Variants in TLE1 observed in about 807,000 individuals in gnomAD.
The protein encoded by TLE1 is TLE family member 1, transcriptional corepressor.
TLE1 carries 21 observed loss-of-function variants against 89.8 expected under a neutral mutation model. The observed-to-expected ratio is 0.23, with a 90% CI of 0.17 to 0.34. TLE1 has a LOEUF of 0.34. Ranked by LOEUF, TLE1 falls within the 10% of genes least tolerant of loss-of-function variation. The pLI, the probability that TLE1 is intolerant of heterozygous loss-of-function variation, is 1.00. For synonymous variants in TLE1, 447 were observed against 407.6 expected, an observed-to-expected ratio of 1.10 and a Z score of -1.16; for missense variants, 795 against 1,031.2, an observed-to-expected ratio of 0.77 and a Z score of 3.14.
At position 81,611,757 on chromosome 9, in the gene TLE1, A is replaced by G. The variant is rs1365031257; in HGVS notation, c.1254+12T>C. On this transcript the variant is annotated intron_variant, in intron 13 of 19. Transcript: ENST00000376499. The stretch of plus-strand genomic sequence containing the variant: ...TCCTACCCCAACCACAGCCCACCCG[A>G]CAGCGGCCTACCATGGGGGAGCGCC... The G allele has an allele frequency of 6.6e-7, 1 of 1,508,568 alleles. No individual in the cohort carries two copies. 93.4% of individuals were successfully genotyped at this position (1,508,568 alleles called of 1,614,324 possible).
intron 6 of TLE1, among the ~76,000 whole-genome samples, 184 bp from the exon 7 acceptor site, chr9:81,634,485 T>G (rs1827125311): frequency 6.6e-6 from 1 of 151,256 alleles, no homozygotes; most frequent in African/African-American, 2.4e-5. Flanking sequence ...GGGGAAAAAA[T>G]GCGATTAGTG....
intron 4 of TLE1, among the ~76,000 whole-genome samples, chr9:81,669,910 A>G (rs1832000063): frequency 6.6e-6 from 1 of 152,194 alleles, no homozygotes; most frequent in Admixed American, 6.5e-5. Context: ...TTAGGCCCCC[A>G]CAGTATATCA....
In TLE1 at chr9:81,620,460, T is replaced by C. The variant is rs776699132; in HGVS notation, c.692A>G (p.Asp231Gly). The C allele has an allele frequency of 4.3e-6, 7 of 1,613,882 alleles. No individual in the cohort carries two copies. The highest frequency in any genetic ancestry group is 5.9e-6 in the Non-Finnish European group (7 of 1,179,916). Residue 231 changes from aspartate to glycine, a missense_variant, in exon 9 of 20, where the codon GAT becomes GGT. Asp to Gly is a moderately conservative substitution (Grantham distance 94). This residue lies in a region of TLE1 where 468 missense variants were observed against 509.1 expected (regional missense o/e 0.92). Coordinates refer to ENST00000376499, the MANE Select transcript of TLE1 (RefSeq NM_005077.5). The stretch of plus-strand genomic sequence containing the variant: ...ACTTACATAGTGGCTGGAGTCCTTA[T>C]CATCCACCTTCCTTTTCTTGATGTC... ...SNDIKKRKVD[D>G]KDSSHYDSDG...
intron 8 of TLE1, among the ~76,000 whole-genome samples, chr9:81,623,149 A>G (rs1467897495): frequency 6.6e-6 from 1 of 152,000 alleles, no homozygotes; most frequent in Non-Finnish European, 1.5e-5. Flanking sequence ...TGATTCCCTC[A>G]TTTGTTCCCA....
At position 81,607,431 on chromosome 9, in the gene TLE1, C is replaced by T. The variant is rs148256748; in HGVS notation, c.1331+2789G>A. Among the ~76,000 whole-genome samples the T allele has an allele frequency of 1.3e-3, 191 of 152,296 alleles. 3 individuals carry two copies. In the East Asian group the frequency reaches 0.033, roughly 26 times the overall value. On this transcript the variant is annotated intron_variant, in intron 14 of 19. Transcript: ENST00000376499. ...CCTAGCATCACAGCTCACAGCTCTG[C>T]TCACCCGCCTTCCCCCACTGCATCT... is the stretch of plus-strand genomic sequence containing the variant.
At chr9:81,677,553 A>C (rs1291784409) in intron 4 of TLE1, among the ~76,000 whole-genome samples, 1 of 137,986 alleles carries the variant, frequency 7.2e-6, no homozygotes, top group African/African-American at 2.7e-5. Flanking sequence ...TAACAGAGCG[A>C]GACTCCATCT....
intron 14 of TLE1, among the ~76,000 whole-genome samples, chr9:81,604,624 G>T (rs1169332050): frequency 6.6e-6 from 1 of 152,138 alleles, no homozygotes; most frequent in Non-Finnish European, 1.5e-5. Flanking sequence ...CCTTGGACAC[G>T]CACGGTCAGA....
intron 6 of TLE1, among the ~76,000 whole-genome samples, chr9:81,640,977 C>T (rs1828036448): frequency 6.6e-6 from 1 of 152,196 alleles, no homozygotes; most frequent in Admixed American, 6.5e-5. Flanking sequence ...TCATAAAAAT[C>T]ACAGACTTAA....
intron 6 of TLE1, among the ~76,000 whole-genome samples, chr9:81,639,318 G>A (rs75459535): frequency 0.034 from 5,141 of 151,822 alleles, 118 homozygotes; most frequent in Non-Finnish European, 0.049. Context: ...CTCCTGCCTC[G>A]GCCTTCCAAA....
At chr9:81,685,936 T>C (rs763296482) in intron 2 of TLE1, 40 bp from the exon 3 acceptor site, 1 of 1,606,412 alleles carries the variant, frequency 6.2e-7, no homozygotes, top group South Asian at 1.1e-5. Flanking sequence ...AAACATTATG[T>C]CACTTGTTTT....
At chr9:81,658,100 C>T (rs1053837317) in intron 4 of TLE1, among the ~76,000 whole-genome samples, 1 of 151,460 alleles carries the variant, frequency 6.6e-6, no homozygotes, top group East Asian at 1.9e-4. Flanking sequence ...TTAGTAAAGA[C>T]GGGGTTTCAC....
intron 8 of TLE1, 103 bp downstream of exon 8, chr9:81,633,245 T>C: frequency 3.2e-6 from 5 of 1,577,962 alleles, no homozygotes; most frequent in Non-Finnish European, 4.3e-6. Flanking sequence ...AGAGTGTGCA[T>C]GTCTGTCTGT....
intron 8 of TLE1, among the ~76,000 whole-genome samples, chr9:81,624,083 T>G (rs1041533407): frequency 6.6e-6 from 1 of 152,140 alleles, no homozygotes; most frequent in Non-Finnish European, 1.5e-5. Context: ...CATGGAACAC[T>G]TGTACCCAAA....
chr9:81,639,950 G>A (rs1827902894), intron 6 of TLE1, among the ~76,000 whole-genome samples: 1 of 152,102 alleles, frequency 6.6e-6, no homozygotes, highest in Non-Finnish European at 1.5e-5. Context: ...CTCAGGCTAT[G>A]ATTCTAGACC....
intron 6 of TLE1, among the ~76,000 whole-genome samples, chr9:81,637,189 C>A (rs929112418): frequency 1.3e-5 from 2 of 151,966 alleles, no homozygotes; most frequent in African/African-American, 4.8e-5. Flanking sequence ...GAAACCCTGT[C>A]TCTACTAAAA....
Position 81,615,965 on chromosome 9 carries a change from C to CAG in TLE1, c.918+15_918+16dup. Reference sequence around the variant, plus strand: ...AATACACTGCCAAACAGGCAAGTGTCAGTTTTCTTTACCTACCAAGCTCAT... The same window carrying CAG: ...AATACACTGCCAAACAGGCAAGTGTCAGAGTTTTCTTTACCTACCAAGCTCAT... On this transcript the variant is annotated intron_variant, in intron 11 of 19. Coordinates refer to ENST00000376499, the MANE Select transcript of TLE1 (RefSeq NM_005077.5). The CAG allele has an allele frequency of 6.2e-7, 1 of 1,612,924 alleles. No individual in the cohort carries two copies. The highest frequency in any genetic ancestry group is 8.5e-7 in the Non-Finnish European group (1 of 1,179,922).
intron 4 of TLE1, among the ~76,000 whole-genome samples, chr9:81,656,809 A>G (rs1564035798): frequency 6.6e-6 from 1 of 152,222 alleles, no homozygotes; most frequent in Non-Finnish European, 1.5e-5. Flanking sequence ...GTTTCATTTA[A>G]TTTTGCACAA....
At chr9:81,654,087 G>A in intron 4 of TLE1, 51 bp from the exon 5 acceptor site, 1 of 1,586,562 alleles carries the variant, frequency 6.3e-7, no homozygotes, top group Non-Finnish European at 8.6e-7. Context: ...AATCAGTTCA[G>A]AAAGGTAAAA....
intron 8 of TLE1, among the ~76,000 whole-genome samples, chr9:81,631,318 C>T (rs1036119063): frequency 6.6e-5 from 10 of 152,196 alleles, no homozygotes; most frequent in South Asian, 4.1e-4. Context: ...CCGACACATT[C>T]GGAAATTCAG....
Sources: gnomAD v4.1 joint callset for allele counts (sites outside exome capture counted in the v4.1 genomes callset) on GRCh38, gnomAD v4.1.1 for gene constraint, gnomAD v4.1.1 regional missense constraint, MANE v1.5 for transcripts, NCBI Gene and HGNC (gene_info 2026-07-23, HGNC 2026-07-21) for gene names.